CPNE4: variants seen among roughly 807,000 people sequenced by gnomAD.
The protein encoded by CPNE4 is copine-4.
In CPNE4, 25 loss-of-function variants were observed where a neutral mutation model predicts 67.9. That is an observed-to-expected ratio of 0.37 (90% CI 0.27 to 0.51). The LOEUF is 0.51. CPNE4 is among the 20% of genes least tolerant of loss of function. The pLI is 0.93. For missense variants in CPNE4, 464 were observed against 690.8 expected, an observed-to-expected ratio of 0.67 and a Z score of 3.68; for synonymous variants, 242 against 244.9, an observed-to-expected ratio of 0.99 and a Z score of 0.11.
chr3:131,747,295 T>C (rs2082515756), intron 2 of CPNE4, among the ~76,000 whole-genome samples: 1 of 152,082 alleles, frequency 6.6e-6, no homozygotes, highest in Non-Finnish European at 1.5e-5. Flanking sequence ...ATAATCCATT[T>C]GTCTATCTTT....
Position 131,937,416 on chromosome 3 carries a change from C to T in CPNE4, c.-1-31972G>A, listed in dbSNP as rs546749124. Among the ~76,000 whole-genome samples the T allele has an allele frequency of 1.8e-3, 268 of 152,242 alleles. 2 individuals carry two copies. Among genetic ancestry groups the T allele is most frequent in the African/African-American group, 5.3e-3 (221 of 41,560 alleles). On this transcript the variant is annotated intron_variant, in intron 1 of 15. Transcript: ENST00000429747. ...AATTAAGAGCTAAAGATTTTAAATA[C>T]AGCCAAACTGTCCTTTAGTTATAAA...
chr3:131,936,660 A>C (rs1387588752), intron 1 of CPNE4, among the ~76,000 whole-genome samples: 2 of 152,008 alleles, frequency 1.3e-5, no homozygotes, highest in Non-Finnish European at 2.9e-5. Context: ...CAAAAAAAAA[A>C]TCTTACAGAC....
At chr3:131,699,539 G>T (rs566194043) in intron 4 of CPNE4, among the ~76,000 whole-genome samples, 1 of 152,256 alleles carries the variant, frequency 6.6e-6, no homozygotes, top group Non-Finnish European at 1.5e-5. Context: ...AATGAGAGAC[G>T]AGGACACGTA....
At chr3:131,729,278 A>G (rs1428569913) in intron 2 of CPNE4, among the ~76,000 whole-genome samples, 2 of 152,192 alleles carry the variant, frequency 1.3e-5, no homozygotes, top group African/African-American at 4.8e-5. Flanking sequence ...ATATTTTGTC[A>G]ATATTTATTT....
At chr3:131,731,118 C>T (rs768881168) in intron 2 of CPNE4, among the ~76,000 whole-genome samples, 5 of 152,192 alleles carry the variant, frequency 3.3e-5, no homozygotes, top group Non-Finnish European at 5.9e-5. Context: ...TGAACCCTGC[C>T]TTCATCCTCC....
intron 2 of CPNE4, among the ~76,000 whole-genome samples, chr3:131,844,051 TAGAA>T (rs1449430632): frequency 1.3e-5 from 2 of 152,056 alleles, no homozygotes; most frequent in Admixed American, 6.6e-5. Context: ...GAGGGAAAAT[TAGAA>T]AGAAGTTTGT....
chr3:131,878,816 A>T (rs925698464), intron 2 of CPNE4, among the ~76,000 whole-genome samples: 3 of 152,236 alleles, frequency 2.0e-5, no homozygotes, highest in African/African-American at 7.2e-5. Context: ...CAAACAATCA[A>T]ATACAGCAAG....
Position 131,928,588 on chromosome 3 carries a change from C to G in CPNE4, c.-1-23144G>C, listed in dbSNP as rs538094545. Among the ~76,000 whole-genome samples the G allele has an allele frequency of 2.6e-5, 4 of 152,290 alleles. No homozygotes were observed. The South Asian group carries it at 8.3e-4, about 32-fold the overall frequency. ...CTAGCCTTAAAAACCATTCCCAACT[C>G]TACCTCCAGACCTGACGCTGTATTC... On this transcript the variant is annotated intron_variant, in intron 1 of 15. Coordinates refer to ENST00000429747, the MANE Select transcript of CPNE4 (RefSeq NM_130808.3).
chr3:131,755,578 G>T (rs1232538342), intron 2 of CPNE4, among the ~76,000 whole-genome samples: 2 of 152,160 alleles, frequency 1.3e-5, no homozygotes, highest in Non-Finnish European at 2.9e-5. Context: ...CTGTTACACT[G>T]GGTTTTCAGA....
chr3:131,862,107 C>T (rs73203887), intron 2 of CPNE4, among the ~76,000 whole-genome samples: 9 of 152,038 alleles, frequency 5.9e-5, no homozygotes, highest in South Asian at 4.1e-4. Flanking sequence ...ACAACATCAA[C>T]GAGATGTAGA....
chr3:131,728,338 T>C (rs2082045991), intron 2 of CPNE4, among the ~76,000 whole-genome samples: 1 of 152,206 alleles, frequency 6.6e-6, no homozygotes, highest in Admixed American at 6.5e-5. Flanking sequence ...ACTTTTCCGA[T>C]TTTACACAAC....
Position 131,581,564 on chromosome 3 carries a change from G to C in CPNE4, c.867+15C>G, listed in dbSNP as rs772360256. ...CCTAGCTTCATACTCCTGGAAGAGA[G>C]GGTTGTGTACATACCTTGCACAGAT... is the stretch of plus-strand genomic sequence containing the variant. On this transcript the variant is annotated intron_variant, in intron 9 of 15. Coordinates refer to ENST00000429747, the MANE Select transcript of CPNE4 (RefSeq NM_130808.3). The C allele has an allele frequency of 1.9e-6, 3 of 1,569,006 alleles. No homozygotes were observed. In the East Asian group the frequency reaches 6.7e-5, roughly 35 times the overall value.
At chr3:131,547,258 C>A (rs1935904013) in intron 14 of CPNE4, among the ~76,000 whole-genome samples, 1 of 151,768 alleles carries the variant, frequency 6.6e-6, no homozygotes, top group Non-Finnish European at 1.5e-5. Flanking sequence ...AGTTTGAGAC[C>A]AGCCTGGGCA....
chr3:131,968,967 CGATGATA>C (rs1398748940), intron 1 of CPNE4, among the ~76,000 whole-genome samples: 4 of 145,386 alleles, frequency 2.8e-5, no homozygotes, highest in Non-Finnish European at 6.2e-5. Context: ...AAATGCCCAT[CGATGATA>C]GACTGGATAA....
At chr3:131,794,233 G>A in intron 2 of CPNE4, among the ~76,000 whole-genome samples, 1 of 148,732 alleles carries the variant, frequency 6.7e-6, no homozygotes, top group Non-Finnish European at 1.5e-5. Context: ...GTTCAATTTT[G>A]GAAACAACTT....
chr3:131,859,284 C>T (rs2086579642), intron 2 of CPNE4, among the ~76,000 whole-genome samples: 1 of 152,092 alleles, frequency 6.6e-6, no homozygotes, highest in African/African-American at 2.4e-5. Flanking sequence ...CCATGAAGCT[C>T]CCCAAGATAG....
intron 2 of CPNE4, among the ~76,000 whole-genome samples, chr3:131,751,520 C>A (rs1306877346): frequency 2.2e-5 from 3 of 136,406 alleles, no homozygotes; most frequent in Non-Finnish European, 4.8e-5. Flanking sequence ...TATTTCTTTG[C>A]TGAGGTTTTC....
intron 7 of CPNE4, among the ~76,000 whole-genome samples, chr3:131,627,044 T>G (rs2079090608): frequency 6.6e-6 from 1 of 151,626 alleles, no homozygotes; most frequent in South Asian, 2.1e-4. Flanking sequence ...AACACAAAAA[T>G]TAGCCAGGTG....
chr3:131,551,729 T>G (rs1268312305), intron 13 of CPNE4, among the ~76,000 whole-genome samples: 1 of 152,052 alleles, frequency 6.6e-6, no homozygotes, highest in Non-Finnish European at 1.5e-5. Flanking sequence ...AAGAGAGAGA[T>G]ATGGACATTT....
Sources: gnomAD v4.1 joint callset for allele counts (sites outside exome capture counted in the v4.1 genomes callset) on GRCh38, gnomAD v4.1.1 for gene constraint, MANE v1.5 for transcripts, NCBI Gene and HGNC (gene_info 2026-07-23, HGNC 2026-07-21) for gene names.